Variants in SLC24A2 observed in about 807,000 individuals in gnomAD.
The protein encoded by SLC24A2 is solute carrier family 24 member 2.
In SLC24A2, 36 loss-of-function variants were observed where a neutral mutation model predicts 62.0. The observed-to-expected ratio is 0.58, with a 90% CI of 0.44 to 0.77. The LOEUF (loss-of-function observed/expected upper bound fraction) is 0.77. Ranked by LOEUF, SLC24A2 falls within the 30% of genes least tolerant of loss-of-function variation. The probability of loss-of-function intolerance (pLI) is 0.00; values close to 1 mark genes in which losing one functional copy is unlikely to be tolerated. For synonymous variants in SLC24A2, 358 were observed against 294.0 expected (o/e 1.22, Z -2.23); for missense variants, 846 against 817.9 (o/e 1.03, Z -0.42).
the SLC24A2 span, among the ~76,000 whole-genome samples, chr9:20,019,310 AG>A: frequency 3.9e-3 from 565 of 144,264 alleles, 8 homozygotes; most frequent in African/African-American, 0.015. Context: ...AAAGAAAGAA[AG>A]AAAGTGAGTG....
chr9:19,985,329 G>A, the SLC24A2 span, among the ~76,000 whole-genome samples: 1 of 152,018 alleles, frequency 6.6e-6, no homozygotes, highest in East Asian at 1.9e-4. Context: ...CCAAACATTA[G>A]AAACAAAAGT....
the SLC24A2 span, among the ~76,000 whole-genome samples, chr9:19,884,286 G>T: frequency 6.6e-6 from 1 of 152,120 alleles, no homozygotes; most frequent in Admixed American, 6.5e-5. Context: ...TCCTAAAGAA[G>T]TTTGTTTCCT....
At chr9:19,525,623 C>T (rs910386485) in intron 9 of SLC24A2, among the ~76,000 whole-genome samples, 3 of 151,322 alleles carry the variant, frequency 2.0e-5, no homozygotes, top group Non-Finnish European at 2.9e-5. Flanking sequence ...AGGCTGATCT[C>T]GAACTCCTGG....
chr9:19,948,135 C>T, the SLC24A2 span, among the ~76,000 whole-genome samples: 1 of 152,204 alleles, frequency 6.6e-6, no homozygotes, highest in Non-Finnish European at 1.5e-5. Context: ...TAAGCCCTTT[C>T]TTATAACCTG....
At chr9:20,142,019 G>T in the SLC24A2 span, among the ~76,000 whole-genome samples, 1 of 152,096 alleles carries the variant, frequency 6.6e-6, no homozygotes, top group Non-Finnish European at 1.5e-5. Context: ...GGAGGCAGAG[G>T]TTGCAGTGGG....
At chr9:19,572,932 G>A (rs939320748) in intron 7 of SLC24A2, among the ~76,000 whole-genome samples, 1 of 152,164 alleles carries the variant, frequency 6.6e-6, no homozygotes, top group Non-Finnish European at 1.5e-5. Context: ...AAGACACAGA[G>A]AAAGGATTAA....
At chr9:20,228,455 C>T in the SLC24A2 span, among the ~76,000 whole-genome samples, 134,013 of 151,802 alleles carry the variant, frequency 0.88, 59,347 homozygotes, top group East Asian at 0.99. Flanking sequence ...AGTAAGAGAG[C>T]TGGCACCCCA....
At chr9:19,588,499 T>G in intron 5 of SLC24A2, among the ~76,000 whole-genome samples, 1 of 152,168 alleles carries the variant, frequency 6.6e-6, no homozygotes, top group East Asian at 1.9e-4. Flanking sequence ...TCATTTAATT[T>G]AGAGAGGTCA....
At chr9:19,760,514 C>G (rs4977320) in intron 2 of SLC24A2, among the ~76,000 whole-genome samples, 32,829 of 151,878 alleles carry the variant, frequency 0.22, 3,875 homozygotes, top group South Asian at 0.29. Flanking sequence ...CTATCCCTCC[C>G]CTTGTCCCTG....
At chr9:19,899,150 G>C in the SLC24A2 span, among the ~76,000 whole-genome samples, 3 of 152,312 alleles carry the variant, frequency 2.0e-5, no homozygotes, top group East Asian at 1.9e-4. Context: ...TGTCTTCTAA[G>C]TCAAAGTCTC....
chr9:19,998,228 C>G, the SLC24A2 span, among the ~76,000 whole-genome samples: 1 of 152,108 alleles, frequency 6.6e-6, no homozygotes, highest in Non-Finnish European at 1.5e-5. Flanking sequence ...GATTCAAACT[C>G]TGGCAGATGA....
the SLC24A2 span, among the ~76,000 whole-genome samples, chr9:20,134,302 A>C: frequency 6.6e-6 from 1 of 152,208 alleles, no homozygotes; most frequent in African/African-American, 2.4e-5. Flanking sequence ...TAACAAAGTT[A>C]AGGATTTTTG....
the SLC24A2 span, among the ~76,000 whole-genome samples, chr9:20,097,948 T>C: frequency 1.1e-4 from 16 of 151,858 alleles, no homozygotes; most frequent in Admixed American, 3.9e-4. Context: ...TTCACCATGT[T>C]AGCCAGTATG....
the SLC24A2 span, among the ~76,000 whole-genome samples, chr9:20,027,337 G>C: frequency 6.6e-6 from 1 of 152,054 alleles, no homozygotes; most frequent in African/African-American, 2.4e-5. Flanking sequence ...ACGTCAAAAA[G>C]ATATCTACAT....
chr9:19,593,527 G>T (rs895850609), intron 5 of SLC24A2, among the ~76,000 whole-genome samples: 1 of 152,100 alleles, frequency 6.6e-6, no homozygotes, highest in Non-Finnish European at 1.5e-5. Flanking sequence ...TCTTGCGTGT[G>T]AGAGTAAGTA....
At chr9:20,269,681 A>AT in the SLC24A2 span, among the ~76,000 whole-genome samples, 10 of 152,016 alleles carry the variant, frequency 6.6e-5, no homozygotes, top group Middle Eastern at 6.8e-3. Flanking sequence ...CCTCACCAAG[A>AT]TTTTTTTTCA....
intron 2 of SLC24A2, among the ~76,000 whole-genome samples, chr9:19,690,796 G>C (rs1025810230): frequency 7.9e-5 from 12 of 151,976 alleles, no homozygotes; most frequent in Admixed American, 1.3e-4. Context: ...TAATTCACTA[G>C]ATTACACCTG....
chr9:20,219,578 C>G, the SLC24A2 span, among the ~76,000 whole-genome samples: 1 of 152,166 alleles, frequency 6.6e-6, no homozygotes, highest in Non-Finnish European at 1.5e-5. Flanking sequence ...TTAATAGTGC[C>G]TTCGTTGGTA....
the SLC24A2 span, among the ~76,000 whole-genome samples, chr9:20,144,702 T>C: frequency 1.3e-5 from 2 of 152,096 alleles, no homozygotes; most frequent in African/African-American, 4.8e-5. Flanking sequence ...GGGCAAGGGT[T>C]GTCAATCGGG....
Sources: gnomAD v4.1 joint callset for allele counts (sites outside exome capture counted in the v4.1 genomes callset) on GRCh38, gnomAD v4.1.1 for gene constraint, MANE v1.5 for transcripts, NCBI Gene and HGNC (gene_info 2026-07-23, HGNC 2026-07-21) for gene names.